The following GAS2 variants were observed in gnomAD, a reference collection of about 807,000 sequenced individuals.
GAS2 encodes growth arrest-specific protein 2.
Under a neutral mutation model 37.5 loss-of-function variants are expected in GAS2, and 20 were observed. The ratio of observed to expected loss-of-function variants is 0.53; its 90% CI spans 0.37 to 0.77. The LOEUF (loss-of-function observed/expected upper bound fraction) is 0.77, where lower values mean the gene tolerates loss of function less well. Ranked by LOEUF, GAS2 falls within the 30% of genes least tolerant of loss-of-function variation. GAS2 has a pLI of 0.00. For synonymous variants in GAS2, 144 were observed against 132.2 expected, an observed-to-expected ratio of 1.09 and a Z score of -0.61; for missense variants, 336 against 373.4, an observed-to-expected ratio of 0.90 and a Z score of 0.82.
At chr11:22,649,460 T>C (rs1247156498) in intron 1 of GAS2, among the ~76,000 whole-genome samples, 1 of 152,138 alleles carries the variant, frequency 6.6e-6, no homozygotes, top group African/African-American at 2.4e-5. Context: ...TTCCGTCTTT[T>C]TCTATTGATT....
rs11026759 is a variant in GAS2, at chr11:22,732,140, G to T, written c.410-5565G>T. Among the ~76,000 whole-genome samples the T allele has an allele frequency of 2.6e-5, 4 of 151,556 alleles. No homozygotes were observed. In the East Asian group the frequency reaches 7.8e-4, roughly 29 times the overall value. ...TTATAGAAAGATGTACTTTGTCTGC[G>T]TTCATTTTAGATGTTATTAGAATTA... On this transcript the variant is annotated intron_variant, in intron 4 of 7. Coordinates refer to ENST00000454584, the MANE Select transcript of GAS2 (RefSeq NM_001143830.3).
chr11:22,773,992 T>C (rs1420820057), intron 7 of GAS2, among the ~76,000 whole-genome samples: 1 of 152,138 alleles, frequency 6.6e-6, no homozygotes, highest in Non-Finnish European at 1.5e-5. Context: ...TAATTTTATG[T>C]GCAATTTTAT....
chr11:22,770,856 G>A (rs188928539), intron 7 of GAS2, among the ~76,000 whole-genome samples: 1 of 152,258 alleles, frequency 6.6e-6, no homozygotes, highest in East Asian at 1.9e-4. Context: ...GCATTTTTAG[G>A]TGGCGTTCAT....
At chr11:22,798,601 T>TAA (rs901932061) in intron 7 of GAS2, among the ~76,000 whole-genome samples, 6 of 152,096 alleles carry the variant, frequency 3.9e-5, no homozygotes, top group Non-Finnish European at 8.8e-5. Flanking sequence ...AAAATGCTTG[T>TAA]AAAGAGTAAA....
chr11:22,724,053 A>C (rs978533695), intron 3 of GAS2, among the ~76,000 whole-genome samples: 1 of 151,886 alleles, frequency 6.6e-6, no homozygotes, highest in Non-Finnish European at 1.5e-5. Context: ...TTCTTGAATT[A>C]TTTCTAAATT....
At chr11:22,630,978 T>A (rs1157251927) in intron 1 of GAS2, among the ~76,000 whole-genome samples, 1 of 152,224 alleles carries the variant, frequency 6.6e-6, no homozygotes, top group East Asian at 1.9e-4. Flanking sequence ...GCCATGAGCA[T>A]GAGGTGTATT....
At chr11:22,696,648 G>C (rs1473678159) in intron 3 of GAS2, among the ~76,000 whole-genome samples, 7 of 151,414 alleles carry the variant, frequency 4.6e-5, no homozygotes, top group African/African-American at 1.7e-4. Context: ...ACTGGTGTGA[G>C]ATGGTATCTC....
intron 1 of GAS2, 32 bp from the exon 2 acceptor site, chr11:22,674,817 TA>T: frequency 1.1e-5 from 17 of 1,512,552 alleles, no homozygotes; most frequent in Non-Finnish European, 1.5e-5. Flanking sequence ...GAAGTCTGTA[TA>T]AAAAGCAATT....
chr11:22,738,106 A>G (rs1026833443), intron 5 of GAS2, among the ~76,000 whole-genome samples: 1 of 152,044 alleles, frequency 6.6e-6, no homozygotes, highest in African/African-American at 2.4e-5. Flanking sequence ...CCCATATTCT[A>G]TCTTCCTCCT....
chr11:22,791,634 G>C (rs1856168686), intron 7 of GAS2, among the ~76,000 whole-genome samples: 1 of 152,164 alleles, frequency 6.6e-6, no homozygotes, highest in African/African-American at 2.4e-5. Context: ...TCACAAAGTG[G>C]CAGAAAAGAG....
intron 7 of GAS2, among the ~76,000 whole-genome samples, chr11:22,782,619 T>G (rs1855605092): frequency 2.0e-5 from 3 of 151,868 alleles, no homozygotes; most frequent in African/African-American, 7.3e-5. Flanking sequence ...TGTCCACATG[T>G]ACCCAGAATT....
At chr11:22,645,844 TC>T (rs1260538791) in intron 1 of GAS2, among the ~76,000 whole-genome samples, 2 of 68,546 alleles carry the variant, frequency 2.9e-5, no homozygotes, top group Non-Finnish European at 2.4e-5. Flanking sequence ...TCTTTTCTTT[TC>T]TTTTTTTTTT....
At chr11:22,728,550 T>A (rs1360075552) in intron 4 of GAS2, among the ~76,000 whole-genome samples, 2 of 151,142 alleles carry the variant, frequency 1.3e-5, no homozygotes, top group East Asian at 1.9e-4. Flanking sequence ...TATATATAAT[T>A]GTAAAAATAT....
At chr11:22,706,205 T>C (rs987806926) in intron 3 of GAS2, among the ~76,000 whole-genome samples, 3 of 151,942 alleles carry the variant, frequency 2.0e-5, no homozygotes, top group Admixed American at 1.3e-4. Context: ...AGAGAATGGA[T>C]TGGAAAGGAG....
chr11:22,720,480 T>C (rs1851895464), intron 3 of GAS2, among the ~76,000 whole-genome samples: 1 of 152,074 alleles, frequency 6.6e-6, no homozygotes, highest in African/African-American at 2.4e-5. Context: ...TTGGTTGTTA[T>C]AGTTAGATAC....
chr11:22,675,080 G>A (rs1183917465), intron 2 of GAS2, 66 bp downstream of exon 2: 5 of 1,519,286 alleles, frequency 3.3e-6, no homozygotes, highest in East Asian at 2.3e-5. Context: ...TCCTCCTGTA[G>A]TGTCCTTCAC....
At chr11:22,775,307 G>C (rs933580783) in intron 7 of GAS2, among the ~76,000 whole-genome samples, 2 of 152,134 alleles carry the variant, frequency 1.3e-5, no homozygotes, top group African/African-American at 2.4e-5. Context: ...GAGGTCAAGA[G>C]GGTGGCAGCT....
Position 22,755,946 on chromosome 11 carries a change from T to A in GAS2, c.716T>A (p.Phe239Tyr). The A allele has an allele frequency of 1.2e-6, 2 of 1,604,712 alleles. No individual in the cohort carries two copies. Among genetic ancestry groups the A allele is most frequent in the Non-Finnish European group, 8.5e-7 (1 of 1,172,342 alleles). ...TACCGAGTGGGAGAAAAGATCCTCT[T>A]CATTAGGGTAAAGTTTTACTTTTCA... is the stretch of plus-strand genomic sequence containing the variant. ...GRYRVGEKIL[F>Y]IRMLHNKHVM... Residue 239 changes from phenylalanine to tyrosine, a missense_variant, in exon 7 of 8, where the codon TTC becomes TAC. By Grantham distance (22) the Phe-to-Tyr change is conservative. Transcript: ENST00000454584.
chr11:22,653,178 A>G lies in GAS2; in HGVS notation c.-20-21672A>G, dbSNP rs1037665070. The stretch of plus-strand genomic sequence containing the variant: ...CCTGCTTTTTCTTCCCCTTACGTAC[A>G]CTCATTTGCTTCTATATATAGTCAG... On this transcript the variant is annotated intron_variant, in intron 1 of 5. Transcript: ENST00000528582. Among the ~76,000 whole-genome samples, 7 of 148,364 alleles carry G rather than the reference A, an allele frequency of 4.7e-5. No individual in the cohort carries two copies. The Admixed American group carries it at 4.7e-4, about 10-fold the overall frequency.
Sources: allele counts gnomAD v4.1 joint callset (sites outside exome capture counted in the v4.1 genomes callset), GRCh38; gene constraint gnomAD v4.1.1; transcripts MANE v1.5; gene names NCBI Gene and HGNC (gene_info 2026-07-23, HGNC 2026-07-21).